Variants in REN observed in about 807,000 individuals in gnomAD.
REN encodes the protein angiotensin-forming enzyme.
A neutral mutation model predicts 48.6 loss-of-function variants in REN; 42 were observed. The observed-to-expected ratio is 0.86, with a 90% CI of 0.68 to 1.12. The LOEUF (loss-of-function observed/expected upper bound fraction) is 1.12. Among genes scored for constraint, REN ranks in the 50% most tolerant of loss-of-function variants. The pLI is 0.00. For synonymous variants in REN, 196 were observed against 204.6 expected (o/e 0.96, Z 0.36); for missense variants, 443 against 527.3 (o/e 0.84, Z 1.57).
intron 2 of REN, 27 bp downstream of exon 2, chr1:204,161,986 G>A: frequency 6.2e-7 from 1 of 1,613,142 alleles, no homozygotes; most frequent in Non-Finnish European, 8.5e-7. Flanking sequence ...GACAGGGAGG[G>A]AGCGAGGGGC....
chr1:204,155,743 C>T, intron 9 of REN, 77 bp downstream of exon 9: 3 of 1,085,812 alleles, frequency 2.8e-6, no homozygotes, highest in East Asian at 2.5e-5. Flanking sequence ...ATGACCTGTG[C>T]ATTGTAATCT....
In REN at chr1:204,156,916, G is replaced by A. The variant is rs1658161114; in HGVS notation, c.699-120C>T. Reference sequence around the variant, plus strand: ...ACAGAGGGCTCTAGAGCAGAGGAATGTGGGACAGACAGCCAGGCTCGGAGC... The same window carrying A: ...ACAGAGGGCTCTAGAGCAGAGGAATATGGGACAGACAGCCAGGCTCGGAGC... On this transcript the variant is annotated intron_variant, in intron 6 of 9. Transcript: ENST00000272190. This position sits in a 1 kb window ranked among gnomAD's most constrained non-coding sequence, Gnocchi z 4.2. 7.7e-7 allele frequency: 1 copy of A among 1,293,582 alleles called. No homozygotes were observed. The highest frequency in any genetic ancestry group is 1.2e-5 in the South Asian group (1 of 84,180). The allele number at this position is 1,293,582 out of a possible 1,614,324, so 80.1% of individuals were successfully genotyped here.
In REN at chr1:204,155,176, T is replaced by C. The variant is rs146220838; in HGVS notation, c.1061A>G (p.Glu354Gly). 15 of 1,613,952 alleles carry C rather than the reference T, an allele frequency of 9.3e-6. No individual in the cohort carries two copies. The highest frequency in any genetic ancestry group is 1.3e-5 in the Non-Finnish European group (15 of 1,179,942). ...TLTSADYVFQ[E>G]SYSSKKLCTL... The stretch of plus-strand genomic sequence containing the variant: ...GCACAGCTTTTTACTACTGTAGGAT[T>C]CCTGGCAGGAAGGGGGAGAGTTTCT... The change falls in exon 10 of 10, where the codon GAA becomes GGA. Residue 354 changes from glutamate to glycine, a missense_variant and splice_region_variant. By Grantham distance (98) the Glu-to-Gly change is moderately conservative. Coordinates refer to ENST00000272190, the MANE Select transcript of REN (RefSeq NM_000537.4).
chr1:204,156,427 A>G lies in REN; in HGVS notation c.819-108T>C. 1.4e-6 allele frequency: 2 copies of G among 1,467,214 alleles called. No homozygotes were observed. The highest frequency in any genetic ancestry group is 2.2e-4 in the Middle Eastern group (1 of 4,554). 90.9% of individuals were successfully genotyped at this position (1,467,214 alleles called of 1,614,324 possible). A position where few individuals can be genotyped will look rare whatever the true frequency, so the allele number is the denominator to read the frequency against. On this transcript the variant is annotated intron_variant, in intron 7 of 9. Coordinates refer to ENST00000272190, the MANE Select transcript of REN (RefSeq NM_000537.4). The surrounding 1 kb of genome is among the most constrained non-coding windows in gnomAD (Gnocchi z 4.2). Reference sequence around the variant, plus strand: ...GAGTGTGGGTGGGTGGGTGGAGGCCACGCTGGTGGCCTGTTGAGGCAGTGA... The same window carrying G: ...GAGTGTGGGTGGGTGGGTGGAGGCCGCGCTGGTGGCCTGTTGAGGCAGTGA...
intron 4 of REN, 55 bp downstream of exon 4, chr1:204,160,505 G>C: frequency 8.4e-7 from 1 of 1,196,236 alleles, no homozygotes; most frequent in East Asian, 2.3e-5. Context: ...AGGGTCAGGA[G>C]AGGCCTGGGG....
chr1:204,156,685 T>C lies in REN; in HGVS notation c.810A>G (p.Gln270=), dbSNP rs764362570. Residue 270 remains glutamine, a synonymous_variant, in exon 7 of 10, where the codon CAA becomes CAG. Coordinates refer to ENST00000272190, the MANE Select transcript of REN (RefSeq NM_000537.4). The surrounding 1 kb of genome is among the most constrained non-coding windows in gnomAD (Gnocchi z 4.2). ...NLIKTGVWQI[Q]MKGVSVGSST... ...GGTTGAGGATTTCTGACCCCTTCAT[T>C]TGAATCTGCCAGACACCAGTCTTGA... The C allele has an allele frequency of 1.2e-6, 2 of 1,613,966 alleles. No homozygotes were observed. Among genetic ancestry groups the C allele is most frequent in the Non-Finnish European group, 1.7e-6 (2 of 1,180,024 alleles).
intron 9 of REN, 40 bp from the exon 10 acceptor site, chr1:204,155,217 G>A (rs2102310238): frequency 2.5e-6 from 4 of 1,609,974 alleles, no homozygotes; most frequent in South Asian, 1.1e-5. Context: ...CCCAGCACAT[G>A]AGCATTCTCC....
At chr1:204,158,411 C>CTTTTTTTTTTTTTTTTTT (rs576572389) in intron 5 of REN, among the ~76,000 whole-genome samples, 1 of 97,226 alleles carries the variant, frequency 1.0e-5, no homozygotes, top group Non-Finnish European at 1.9e-5. Flanking sequence ...ACCCTTGTGA[C>CTTTTTTTTTTTTTTTTTT]TTTTTTTTTT....
In REN at chr1:204,156,648, G is replaced by A. The variant is rs748804170; in HGVS notation, c.818+29C>T. The stretch of plus-strand genomic sequence containing the variant: ...ACCCCAGTGACGGCAGCATTTTTTG[G>A]AGCCCGGGGAGGGTTGAGGATTTCT... On this transcript the variant is annotated intron_variant, in intron 7 of 9. Transcript: ENST00000272190. This position sits in a 1 kb window ranked among gnomAD's most constrained non-coding sequence, Gnocchi z 4.2. The A allele has an allele frequency of 1.2e-6, 2 of 1,613,744 alleles. No homozygotes were observed. The highest frequency in any genetic ancestry group is 3.3e-5 in the Admixed American group (2 of 60,008).
In REN at chr1:204,162,002, C is replaced by T; in HGVS notation, c.249+11G>A. ...ACAGGGAGGGAGCGAGGGGCTGAGC[C>T]AAGCACTCACGTCCATGTAGTTGGT... is the stretch of plus-strand genomic sequence containing the variant. On this transcript the variant is annotated intron_variant, in intron 2 of 9. Coordinates refer to ENST00000272190, the MANE Select transcript of REN (RefSeq NM_000537.4). 6.2e-7 allele frequency: 1 copy of T among 1,614,022 alleles called. No homozygotes were observed. The highest frequency in any genetic ancestry group is 8.5e-7 in the Non-Finnish European group (1 of 1,179,906).
At chr1:204,163,285 C>G (rs1380284745) in intron 1 of REN, among the ~76,000 whole-genome samples, 1 of 152,208 alleles carries the variant, frequency 6.6e-6, no homozygotes, top group African/African-American at 2.4e-5. Flanking sequence ...ATTCTACTTA[C>G]CCCCATTTTG....
rs538508281 is a variant in REN at position 204,155,243 on chromosome 1, C to A, written c.1060-66G>T. The A allele has an allele frequency of 3.0e-5, 29 of 982,834 alleles. No individual in the cohort carries two copies. In the South Asian group the frequency reaches 4.7e-4, roughly 16 times the overall value. 60.9% of individuals were successfully genotyped at this position (982,834 alleles called of 1,614,324 possible). On this transcript the variant is annotated intron_variant, in intron 9 of 9. Transcript: ENST00000272190. ...AGCATTCTCCTTTCACCTTGCCTGA[C>A]CCCCAGCAACTGTCTTCAGCAACAT...
rs374481579 is a variant in REN at position 204,162,037 on chromosome 1, G to T, written c.225C>A (p.Ser75=). ...KRLTLGNTTS[S]VILTNYMDTQ... ...CGTCCATGTAGTTGGTGAGGATCAC[G>T]GAGGAGGTGGTGTTGCCAAGTGTCA... The change falls in exon 2 of 10, where the codon TCC becomes TCA. Residue 75 remains serine, a synonymous_variant. Coordinates refer to ENST00000272190, the MANE Select transcript of REN (RefSeq NM_000537.4). 6 of 1,614,066 alleles carry T rather than the reference G, an allele frequency of 3.7e-6. No individual in the cohort carries two copies. The highest frequency in any genetic ancestry group is 2.7e-5 in the African/African-American group (2 of 74,942).
chr1:204,163,594 C>T (rs1397448714), intron 1 of REN, among the ~76,000 whole-genome samples: 2 of 151,952 alleles, frequency 1.3e-5, no homozygotes, highest in African/African-American at 2.4e-5. Context: ...CTTCCTTTTC[C>T]CCCCAGTTCT....
Position 204,156,204 on chromosome 1 carries a change from A to G in REN, c.934T>C (p.Leu312=), listed in dbSNP as rs1369788202. The G allele has an allele frequency of 6.2e-7, 1 of 1,614,208 alleles. No homozygotes were observed. Residue 312 remains leucine, a synonymous_variant, in exon 8 of 10, where the codon TTG becomes CTG. Transcript: ENST00000272190. This position sits in a 1 kb window ranked among gnomAD's most constrained non-coding sequence, Gnocchi z 4.2. ...TCAAACAGCCTCTTCTTGGCTCCCA[A>G]GGCCTCCATGAGCTTCTCTATGGAG... ...TSSIEKLMEA[L]GAKKRLFDYV...
At position 204,156,786 on chromosome 1, in the gene REN, A is replaced by G; in HGVS notation, c.709T>C (p.Ser237Pro). 1 of 1,614,046 alleles carries G rather than the reference A, an allele frequency of 6.2e-7. No homozygotes were observed. The highest frequency in any genetic ancestry group is 8.5e-7 in the Non-Finnish European group (1 of 1,180,032). The change falls in exon 7 of 10, where the codon TCG becomes CCG. Residue 237 changes from serine to proline, a missense_variant. Physicochemically the swap from Ser to Pro is moderately conservative, Grantham distance 74 (BLOSUM62 -1). Coordinates refer to ENST00000272190, the MANE Select transcript of REN (RefSeq NM_000537.4). This position sits in a 1 kb window ranked among gnomAD's most constrained non-coding sequence, Gnocchi z 4.2. ...YYNRDSENSQSLGGQIVLGGS... is the reference protein window; with the variant it reads ...YYNRDSENSQPLGGQIVLGGS... ...CCCAGCACAATCTGTCCTCCCAGCGATTGGGAATTCCTAAAGGAAAGATCA... is the reference window on the plus strand; with the variant it reads ...CCCAGCACAATCTGTCCTCCCAGCGGTTGGGAATTCCTAAAGGAAAGATCA...
In REN at chr1:204,157,471, C is replaced by T. The variant is rs367704768; in HGVS notation, c.690-102G>A. On this transcript the variant is annotated intron_variant, in intron 5 of 9. Coordinates refer to ENST00000272190, the MANE Select transcript of REN (RefSeq NM_000537.4). ...GGTGTTATGTACTCTCTTTGCCCTT[C>T]AGGCAATGGAGTCACCAAGAGGCGA... 5 of 1,529,204 alleles carry T rather than the reference C, an allele frequency of 3.3e-6. No homozygotes were observed. The East Asian group carries it at 1.1e-4, about 34-fold the overall frequency. 94.7% of individuals were successfully genotyped at this position (1,529,204 alleles called of 1,614,324 possible).
At chr1:204,165,222 C>T (rs533793505) in intron 1 of REN, among the ~76,000 whole-genome samples, 22 of 152,310 alleles carry the variant, frequency 1.4e-4, no homozygotes, top group South Asian at 6.2e-4. Context: ...CTGCCCCCCT[C>T]GGCCTCCCAA....
chr1:204,155,672 AG>A, intron 9 of REN, 147 bp downstream of exon 9: 1 of 708,686 alleles, frequency 1.4e-6, no homozygotes, highest in Non-Finnish European at 2.5e-6. Context: ...CCCAGGTACC[AG>A]GATTTTTCAA....
Sources: allele counts gnomAD v4.1 joint callset (sites outside exome capture counted in the v4.1 genomes callset), GRCh38; gene constraint gnomAD v4.1.1; non-coding constraint Gnocchi (gnomAD v3.1); transcripts MANE v1.5; gene names NCBI Gene and HGNC (gene_info 2026-07-23, HGNC 2026-07-21).